Variants in EPC2 observed in about 807,000 individuals in gnomAD.
EPC2 encodes the protein enhancer of polycomb homolog 2.
Under a neutral mutation model 92.1 loss-of-function variants are expected in EPC2, and 14 were observed. The observed-to-expected ratio is 0.15, with a 90% confidence interval of 0.10 to 0.24. EPC2 has a LOEUF of 0.24. EPC2 is among the 10% of genes least tolerant of loss of function. EPC2 has a pLI of 1.00. For missense variants in EPC2, 755 were observed against 971.5 expected (o/e 0.78, Z 2.96); for synonymous variants, 340 against 334.7 (o/e 1.02, Z -0.17).
rs560598671 is a variant in EPC2, at chr2:148,707,507, A to G, written c.313+17134A>G. On this transcript the variant is annotated intron_variant, in intron 2 of 13. Coordinates refer to ENST00000258484, the MANE Select transcript of EPC2 (RefSeq NM_015630.4). ...TCTGCAACAAGCAGACCTAATAGAC[A>G]TCTACGGAACTCTCCACCCCAAATC... is the stretch of plus-strand genomic sequence containing the variant. Among the ~76,000 whole-genome samples, 7 of 152,338 alleles carry G rather than the reference A, an allele frequency of 4.6e-5. No homozygotes were observed. The South Asian group carries it at 1.4e-3, about 32-fold the overall frequency.
chr2:148,746,759 A>T (rs192165994), intron 3 of EPC2, among the ~76,000 whole-genome samples: 176 of 152,238 alleles, frequency 1.2e-3, no homozygotes, highest in African/African-American at 4.1e-3. Flanking sequence ...TTAAGTATCT[A>T]GGAGTAAAGA....
chr2:148,696,882 G>A (rs1019282280), intron 2 of EPC2, among the ~76,000 whole-genome samples: 1 of 152,148 alleles, frequency 6.6e-6, no homozygotes, highest in African/African-American at 2.4e-5. Context: ...TCCATGGGCT[G>A]TCTACCTACA....
At chr2:148,670,745 C>G (rs572880245) in intron 1 of EPC2, among the ~76,000 whole-genome samples, 1 of 152,250 alleles carries the variant, frequency 6.6e-6, no homozygotes, top group Non-Finnish European at 1.5e-5. Flanking sequence ...CGGTCTCACT[C>G]TGCTGCCCAG....
intron 2 of EPC2, among the ~76,000 whole-genome samples, chr2:148,700,901 T>C (rs1681872192): frequency 6.6e-6 from 1 of 152,192 alleles, no homozygotes; most frequent in African/African-American, 2.4e-5. Flanking sequence ...AGTGTCTTCC[T>C]GTCCATGAAC....
intron 1 of EPC2, among the ~76,000 whole-genome samples, chr2:148,646,840 G>A (rs189820507): frequency 6.6e-6 from 1 of 152,106 alleles, no homozygotes; most frequent in African/African-American, 2.4e-5. Flanking sequence ...GGCCGGGCAC[G>A]GTGGGTCACG....
rs954108395 is a variant in EPC2 at position 148,707,911 on chromosome 2, G to A, written c.313+17538G>A. Among the ~76,000 whole-genome samples the A allele has an allele frequency of 1.1e-4, 17 of 152,244 alleles. No homozygotes were observed. The South Asian group carries it at 3.3e-3, about 30-fold the overall frequency. On this transcript the variant is annotated intron_variant, in intron 2 of 13. Coordinates refer to ENST00000258484, the MANE Select transcript of EPC2 (RefSeq NM_015630.4). ...GAGAAAGCAGGAAAGATCTAAAATTGACACCCTAACATCACAATTAAAAGA... is the reference window on the plus strand; with the variant it reads ...GAGAAAGCAGGAAAGATCTAAAATTAACACCCTAACATCACAATTAAAAGA...
intron 4 of EPC2, among the ~76,000 whole-genome samples, chr2:148,755,450 T>C (rs756509272): frequency 1.3e-5 from 2 of 152,152 alleles, no homozygotes; most frequent in African/African-American, 2.4e-5. Context: ...GAAGGGTTCA[T>C]TTTCAACCCT....
chr2:148,684,126 T>C (rs1681465301), intron 1 of EPC2, among the ~76,000 whole-genome samples: 1 of 152,230 alleles, frequency 6.6e-6, no homozygotes, highest in African/African-American at 2.4e-5. Context: ...TGTTGAGCAT[T>C]TTTTCATTGT....
chr2:148,726,765 G>GTTTTTTTTTTTTTTTTTTTTTTTTGT (rs201293391), intron 2 of EPC2, among the ~76,000 whole-genome samples: 2 of 100,608 alleles, frequency 2.0e-5, no homozygotes, highest in Non-Finnish European at 4.0e-5. Context: ...TTTGTTTTTT[G>GTTTTTTTTTTTTTTTTTTTTTTTTGT]TTTTTTTTTT....
In EPC2 at chr2:148,720,768, C is replaced by T. The variant is rs114481957; in HGVS notation, c.314-22854C>T. Among the ~76,000 whole-genome samples, 413 of 152,214 alleles carry T rather than the reference C, an allele frequency of 2.7e-3. 3 individuals carry two copies. The highest frequency in any genetic ancestry group is 9.4e-3 in the African/African-American group (390 of 41,538). On this transcript the variant is annotated intron_variant, in intron 2 of 13. Transcript: ENST00000258484. ...TGGCTTGTGTTGCTCCCAAGTGGGC[C>T]GCCGCGCCACCCTGCTTTTCCTCAT...
At chr2:148,699,956 A>T (rs1231096925) in intron 2 of EPC2, among the ~76,000 whole-genome samples, 1 of 152,068 alleles carries the variant, frequency 6.6e-6, no homozygotes, top group Admixed American at 6.6e-5. Flanking sequence ...TCACTGTTGT[A>T]ATTTGCCGTT....
At chr2:148,680,841 A>G (rs1341275193) in intron 1 of EPC2, among the ~76,000 whole-genome samples, 2 of 152,260 alleles carry the variant, frequency 1.3e-5, no homozygotes, top group African/African-American at 4.8e-5. Flanking sequence ...AATTGTATTC[A>G]GAAGAGGACC....
intron 1 of EPC2, among the ~76,000 whole-genome samples, chr2:148,651,905 A>G (rs1680695217): frequency 6.6e-6 from 1 of 152,180 alleles, no homozygotes; most frequent in Admixed American, 6.5e-5. Flanking sequence ...TCATCCGTCT[A>G]AAAAAGAACA....
intron 10 of EPC2, among the ~76,000 whole-genome samples, chr2:148,776,856 C>CTCTCTT (rs1247135854): frequency 4.0e-5 from 4 of 101,028 alleles, no homozygotes; most frequent in African/African-American, 1.5e-4. Context: ...GTCTCTCTCT[C>CTCTCTT]TTTTTTTTTT....
chr2:148,742,650 C>T (rs1215951496), intron 2 of EPC2, among the ~76,000 whole-genome samples: 4 of 151,844 alleles, frequency 2.6e-5, no homozygotes, highest in African/African-American at 9.7e-5. Flanking sequence ...TGTGGTTGTG[C>T]ACACCTGTAG....
chr2:148,654,255 A>AT (rs1001924513), intron 1 of EPC2, among the ~76,000 whole-genome samples: 1 of 152,024 alleles, frequency 6.6e-6, no homozygotes, highest in Admixed American at 6.5e-5. Flanking sequence ...CCAAGATTAC[A>AT]TTTTTTTGTA....
At chr2:148,671,357 T>C (rs1253813863) in intron 1 of EPC2, among the ~76,000 whole-genome samples, 3 of 151,276 alleles carry the variant, frequency 2.0e-5, no homozygotes, top group African/African-American at 7.3e-5. Context: ...CTCATGCCTG[T>C]AATCCCAGCA....
intron 2 of EPC2, among the ~76,000 whole-genome samples, chr2:148,702,611 A>C (rs1681912861): frequency 6.6e-6 from 1 of 152,202 alleles, no homozygotes; most frequent in Non-Finnish European, 1.5e-5. Flanking sequence ...AGTCTCCTGC[A>C]GTGAGAACTG....
At chr2:148,714,753 GGTT>G (rs1377634692) in intron 2 of EPC2, among the ~76,000 whole-genome samples, 1 of 151,338 alleles carries the variant, frequency 6.6e-6, no homozygotes, top group African/African-American at 2.4e-5. Context: ...CTTTTAATCA[GGTT>G]GTTTTTTTCT....
Sources: gnomAD v4.1 joint callset for allele counts (sites outside exome capture counted in the v4.1 genomes callset) on GRCh38, gnomAD v4.1.1 for gene constraint, MANE v1.5 for transcripts, NCBI Gene and HGNC (gene_info 2026-07-23, HGNC 2026-07-21) for gene names.